RNF115: variants seen among roughly 807,000 people sequenced by gnomAD.
The protein encoded by RNF115 is E3 ubiquitin-protein ligase RNF115.
Under a neutral mutation model 39.2 loss-of-function variants are expected in RNF115, and 31 were observed. The observed-to-expected ratio is 0.79, with a 90% CI of 0.59 to 1.07. The LOEUF (loss-of-function observed/expected upper bound fraction) is 1.07, where lower values mean the gene tolerates loss of function less well. RNF115 is among the 50% of genes least tolerant of loss of function. The pLI is 0.00. For synonymous variants in RNF115, 124 were observed against 131.0 expected, an observed-to-expected ratio of 0.95 and a Z score of 0.37; for missense variants, 384 against 381.7, an observed-to-expected ratio of 1.01 and a Z score of -0.05.
chr1:145,801,962 AT>A (rs1649267726), intron 1 of RNF115, among the ~76,000 whole-genome samples: 1 of 151,816 alleles, frequency 6.6e-6, no homozygotes, highest in Non-Finnish European at 1.5e-5. Context: ...TAATTTTTAT[AT>A]TTTTTGTAGA....
intron 1 of RNF115, among the ~76,000 whole-genome samples, chr1:145,794,502 C>CTTTTTTTTTTTTTTTT (rs57242475): frequency 2.5e-5 from 2 of 81,098 alleles, no homozygotes; most frequent in Non-Finnish European, 4.5e-5. Flanking sequence ...TAATCTCTTT[C>CTTTTTTTTTTTTTTTT]TTTTTTTTTT....
intron 1 of RNF115, among the ~76,000 whole-genome samples, chr1:145,800,833 T>C (rs1214546234): frequency 6.6e-6 from 1 of 152,196 alleles, no homozygotes; most frequent in Non-Finnish European, 1.5e-5. Flanking sequence ...TGGATAGACT[T>C]GTTAGGCAAT....
rs1418372336 is a variant in RNF115 at position 145,820,676 on chromosome 1, T to C, written c.102+3096A>G. ...GCTTGAACCCAGGAGGTGGAGGTTG[T>C]AGTGAACCGAGATCGCACCACTGCA... On this transcript the variant is annotated intron_variant, in intron 1 of 8. Transcript: ENST00000582693. Among the ~76,000 whole-genome samples the C allele has an allele frequency of 2.0e-5, 3 of 151,956 alleles. 1 individual carries two copies. Among genetic ancestry groups the C allele is most frequent in the Non-Finnish European group, 4.4e-5 (3 of 67,950 alleles).
chr1:145,769,636 G>A (rs1242868249), intron 4 of RNF115, among the ~76,000 whole-genome samples: 3 of 151,614 alleles, frequency 2.0e-5, no homozygotes, highest in Non-Finnish European at 4.4e-5. Context: ...CCTGTGTTAT[G>A]TAAACTATTT....
At chr1:145,766,175 A>G (rs868972510) in intron 4 of RNF115, among the ~76,000 whole-genome samples, 19 of 152,026 alleles carry the variant, frequency 1.2e-4, no homozygotes, top group East Asian at 5.8e-4. Flanking sequence ...GGGTACTTGA[A>G]ATTAGGGAGT....
chr1:145,780,618 T>TAA lies in RNF115; in HGVS notation c.219+3919_219+3920dup, dbSNP rs1205816224. Among the ~76,000 whole-genome samples the TAA allele has an allele frequency of 2.6e-3, 167 of 64,348 alleles. 2 individuals carry two copies. Among genetic ancestry groups the TAA allele is most frequent in the African/African-American group, 8.7e-3 (145 of 16,590 alleles). The allele number at this position is 64,348 out of a possible 152,430, so 42.2% of individuals were successfully genotyped here. On this transcript the variant is annotated intron_variant, in intron 3 of 8. Coordinates refer to ENST00000582693, the MANE Select transcript of RNF115 (RefSeq NM_014455.4). ...CTGGGCAACAGAGTGAGACTCCGTC[T>TAA]AAAAAAAAAAAAAAAAAAAAAAAAG... is the stretch of plus-strand genomic sequence containing the variant.
intron 1 of RNF115, among the ~76,000 whole-genome samples, chr1:145,793,363 T>C (rs1648769993): frequency 6.6e-6 from 1 of 152,168 alleles, no homozygotes; most frequent in South Asian, 2.1e-4. Flanking sequence ...TTTATCTGAA[T>C]GCCGAATACA....
intron 1 of RNF115, among the ~76,000 whole-genome samples, chr1:145,800,092 GTTTGT>G (rs1559127080): frequency 2.0e-5 from 3 of 152,288 alleles, no homozygotes; most frequent in South Asian, 2.1e-4. Flanking sequence ...CCATGATAAA[GTTTGT>G]TTTAAGTTAC....
intron 4 of RNF115, among the ~76,000 whole-genome samples, chr1:145,763,165 A>T (rs61553900): frequency 1.3e-5 from 2 of 152,342 alleles, no homozygotes; most frequent in Non-Finnish European, 2.9e-5. Flanking sequence ...GCAAATTTTT[A>T]AAAATTAAAA....
chr1:145,749,817 G>A (rs587604399), intron 7 of RNF115, among the ~76,000 whole-genome samples: 5 of 152,194 alleles, frequency 3.3e-5, no homozygotes, highest in Non-Finnish European at 5.9e-5. Context: ...TAAATAGAAT[G>A]ACCTAAGATA....
At chr1:145,793,472 C>T (rs1231750891) in intron 1 of RNF115, among the ~76,000 whole-genome samples, 2 of 151,614 alleles carry the variant, frequency 1.3e-5, no homozygotes, top group African/African-American at 4.9e-5. Flanking sequence ...CAGTGCTAGG[C>T]CCTCTTTCTT....
chr1:145,790,651 C>T (rs1553718820), intron 1 of RNF115, among the ~76,000 whole-genome samples: 4 of 150,514 alleles, frequency 2.7e-5, no homozygotes, highest in East Asian at 2.0e-4. Flanking sequence ...AGGCTGGTCT[C>T]GAACTCCTGA....
chr1:145,804,422 G>A (rs1318543911), intron 1 of RNF115, among the ~76,000 whole-genome samples: 1 of 151,972 alleles, frequency 6.6e-6, no homozygotes, highest in Non-Finnish European at 1.5e-5. Flanking sequence ...GCAAAACAAA[G>A]CTGGACTGGT....
chr1:145,814,390 T>C (rs1327460073), intron 1 of RNF115, among the ~76,000 whole-genome samples: 1 of 152,074 alleles, frequency 6.6e-6, no homozygotes, highest in Non-Finnish European at 1.5e-5. Flanking sequence ...AGATCCAACC[T>C]GGCCAACATG....
At position 145,741,256 on chromosome 1, in the gene RNF115, G is replaced by A. The variant is rs1657683746; in HGVS notation, c.*5610C>T. 1 of 152,158 alleles carries A rather than the reference G, an allele frequency of 6.6e-6. No individual in the cohort carries two copies. Among genetic ancestry groups the A allele is most frequent in the South Asian group, 2.1e-4 (1 of 4,828 alleles). 9.4% of individuals were successfully genotyped at this position (152,158 alleles called of 1,614,324 possible). On this transcript the variant is annotated 3_prime_UTR_variant, in exon 9 of 9. Coordinates refer to ENST00000582693, the MANE Select transcript of RNF115 (RefSeq NM_014455.4). ...TGTTCTGGTTGAAAGAGGAAGAAGA[G>A]GCAACATACAAACTACACTTCTGTG...
intron 4 of RNF115, among the ~76,000 whole-genome samples, chr1:145,770,185 C>A (rs1647570758): frequency 6.6e-6 from 1 of 152,152 alleles, no homozygotes; most frequent in South Asian, 2.1e-4. Context: ...AATCATTAGT[C>A]ATTCTTAATT....
intron 1 of RNF115, among the ~76,000 whole-genome samples, chr1:145,805,169 T>C (rs1649410424): frequency 6.6e-6 from 1 of 152,196 alleles, no homozygotes; most frequent in Admixed American, 6.5e-5. Context: ...TACTTGGAAT[T>C]CTAGCATTGA....
chr1:145,783,544 T>C (rs1309249255), intron 3 of RNF115, among the ~76,000 whole-genome samples: 2 of 152,204 alleles, frequency 1.3e-5, no homozygotes, highest in Non-Finnish European at 2.9e-5. Flanking sequence ...GCTATCTCTC[T>C]AGGCACTTCG....
At position 145,742,554 on chromosome 1, in the gene RNF115, T is replaced by C. The variant is rs994758339; in HGVS notation, c.*4312A>G. 1 of 152,254 alleles carries C rather than the reference T, an allele frequency of 6.6e-6. No individual in the cohort carries two copies. Among genetic ancestry groups the C allele is most frequent in the Admixed American group, 6.5e-5 (1 of 15,278 alleles). The allele number at this position is 152,254 out of a possible 1,614,324, so 9.4% of individuals were successfully genotyped here. ...AGGGAAACAAAGACCCTAAAGGTTA[T>C]GTACAATGAGAGAATCAGACTGTGA... On this transcript the variant is annotated 3_prime_UTR_variant, in exon 9 of 9. Transcript: ENST00000582693.
Sources: allele counts gnomAD v4.1 joint callset (sites outside exome capture counted in the v4.1 genomes callset), GRCh38; gene constraint gnomAD v4.1.1; transcripts MANE v1.5; gene names NCBI Gene and HGNC (gene_info 2026-07-23, HGNC 2026-07-21).